Variants in WRN observed in about 807,000 individuals in gnomAD.
The protein encoded by WRN is WRN RecQ like helicase, also known as bifunctional 3'-5' exonuclease/ATP-dependent helicase WRN.
A neutral mutation model predicts 180.7 loss-of-function variants in WRN; 149 were observed. The ratio of observed to expected loss-of-function variants is 0.82; its 90% CI spans 0.72 to 0.94. WRN has a LOEUF of 0.94. Among genes scored for constraint, WRN ranks in the 40% least tolerant of loss-of-function variants. WRN has a pLI of 0.00. For synonymous variants in WRN, 548 were observed against 568.9 expected (o/e 0.96, Z 0.52); for missense variants, 1,661 against 1,700.1 (o/e 0.98, Z 0.40).
At chr8:31,117,087 A>C (rs140192942) in intron 20 of WRN, among the ~76,000 whole-genome samples, 2 of 152,326 alleles carry the variant, frequency 1.3e-5, no homozygotes, top group East Asian at 1.9e-4. Context: ...ACTTGCAAAG[A>C]AGCAGTCTGG....
At chr8:31,041,068 T>C (rs1811636568) in intron 1 of WRN, among the ~76,000 whole-genome samples, 1 of 152,200 alleles carries the variant, frequency 6.6e-6, no homozygotes, top group South Asian at 2.1e-4. Flanking sequence ...AGAGTTCTCC[T>C]GAGAAACAGA....
chr8:31,110,797 A>T (rs927333989), intron 18 of WRN, among the ~76,000 whole-genome samples: 9 of 152,226 alleles, frequency 5.9e-5, no homozygotes, highest in Non-Finnish European at 1.0e-4. Context: ...TTTAGAAACA[A>T]CTGTAAGACA....
At chr8:31,081,345 A>G (rs568436012) in intron 9 of WRN, 49 bp downstream of exon 9, 3 of 1,592,116 alleles carry the variant, frequency 1.9e-6, no homozygotes, top group African/African-American at 2.7e-5. Flanking sequence ...AGGTTCTGGC[A>G]GACTTTATTC....
intron 18 of WRN, among the ~76,000 whole-genome samples, chr8:31,105,394 T>C (rs1801057872): frequency 6.6e-6 from 1 of 152,234 alleles, no homozygotes; most frequent in African/African-American, 2.4e-5. Context: ...CCAGAAACTT[T>C]AGTCTTTGGA....
At chr8:31,071,142 G>C (rs1812900213) in intron 7 of WRN, among the ~76,000 whole-genome samples, 1 of 151,904 alleles carries the variant, frequency 6.6e-6, no homozygotes, top group Middle Eastern at 3.2e-3. Context: ...GAGAAATTAT[G>C]GTATCTATAG....
In WRN at chr8:31,142,816, A is replaced by G. The variant is rs1585516567; in HGVS notation, c.3309+115A>G. 6.3e-6 allele frequency: 6 copies of G among 951,276 alleles called. No individual in the cohort carries two copies. In the East Asian group the frequency reaches 1.7e-4, roughly 27 times the overall value. 58.9% of individuals were successfully genotyped at this position (951,276 alleles called of 1,614,324 possible). Reference sequence around the variant, plus strand: ...AAAGAGAAAATGGCATATATAACAAAGCATAAAATTCGGCCAGGGAAGTGA... The same window carrying G: ...AAAGAGAAAATGGCATATATAACAAGGCATAAAATTCGGCCAGGGAAGTGA... On this transcript the variant is annotated intron_variant, in intron 27 of 34. Transcript: ENST00000298139.
intron 18 of WRN, among the ~76,000 whole-genome samples, chr8:31,106,434 C>T (rs2130258441): frequency 6.6e-6 from 1 of 152,260 alleles, no homozygotes; most frequent in African/African-American, 2.4e-5. Context: ...CTCATGTAAT[C>T]TGGCCTTCCA....
chr8:31,065,468 T>G (rs889627297), intron 5 of WRN, among the ~76,000 whole-genome samples: 5 of 152,196 alleles, frequency 3.3e-5, no homozygotes, highest in Non-Finnish European at 5.9e-5. Flanking sequence ...CTCCCACTTA[T>G]AAGTGAGAAC....
At chr8:31,111,839 CTT>C (rs111854110) in intron 19 of WRN, 40 bp downstream of exon 19, 995 of 1,299,922 alleles carry the variant, frequency 7.7e-4, no homozygotes, top group African/African-American at 1.4e-3. Flanking sequence ...TAATGATTTC[CTT>C]TTTTTTTTTT....
rs1803314281 is a variant in WRN, at chr8:31,154,773, G to A, written c.3819+18G>A. 1 of 1,612,672 alleles carries A rather than the reference G, an allele frequency of 6.2e-7. No homozygotes were observed. Among genetic ancestry groups the A allele is most frequent in the Non-Finnish European group, 8.5e-7 (1 of 1,179,366 alleles). Reference sequence around the variant, plus strand: ...TGCCTTTGGTAAGTGTGACTTTCATGTTACAGGGAATTTTTTTAGTTTACT... The same window carrying A: ...TGCCTTTGGTAAGTGTGACTTTCATATTACAGGGAATTTTTTTAGTTTACT... On this transcript the variant is annotated intron_variant, in intron 32 of 34. Transcript: ENST00000298139.
intron 1 of WRN, among the ~76,000 whole-genome samples, chr8:31,058,145 A>G (rs1312281280): frequency 6.6e-6 from 1 of 152,224 alleles, no homozygotes; most frequent in African/African-American, 2.4e-5. Context: ...ACTCAAAGTC[A>G]TAAAATAATA....
At position 31,116,520 on chromosome 8, in the gene WRN, GA is replaced by G. The variant is rs1801530173; in HGVS notation, c.2443del (p.Ile815PhefsTer5). On this transcript the variant is annotated frameshift_variant, in exon 20 of 35. Transcript: ENST00000298139. LOFTEE classifies it high-confidence loss of function. ...CATTCATCATAGGTTTGTAAGAGAT[GA>G]AATTCAGGTATGAGGATCAATCATC... ...KDIHHRFVRD[E>X]IQCVIATIAF... 2 of 1,613,704 alleles carry G rather than the reference GA, an allele frequency of 1.2e-6. No individual in the cohort carries two copies. Among genetic ancestry groups the G allele is most frequent in the South Asian group, 2.2e-5 (2 of 91,062 alleles).
In WRN at chr8:31,081,228, G is replaced by A. The variant is rs1427377228; in HGVS notation, c.1201G>A (p.Glu401Lys). 2 of 1,612,854 alleles carry A rather than the reference G, an allele frequency of 1.2e-6. No homozygotes were observed. Among genetic ancestry groups the A allele is most frequent in the Non-Finnish European group, 1.7e-6 (2 of 1,179,238 alleles). ...GATGTCGTTAGATATTACAGAACATGAACTCCAAATTTTGGAACAGCAGTC... is the reference window on the plus strand; with the variant it reads ...GATGTCGTTAGATATTACAGAACATAAACTCCAAATTTTGGAACAGCAGTC... ...CLMSLDITEH[E>K]LQILEQQSQE... Residue 401 changes from glutamate (E) to lysine (K), a missense_variant, in exon 9 of 35, where the codon GAA becomes AAA. This residue lies in a region of WRN where 500 missense variants were observed against 504.1 expected (regional missense o/e 0.99). Coordinates refer to ENST00000298139, the MANE Select transcript of WRN (RefSeq NM_000553.6).
chr8:31,106,203 TC>T (rs1489660582), intron 18 of WRN, among the ~76,000 whole-genome samples: 1 of 152,100 alleles, frequency 6.6e-6, no homozygotes, highest in Non-Finnish European at 1.5e-5. Flanking sequence ...CAGAATTAAA[TC>T]ACTTCTCTCT....
chr8:31,088,051 G>A (rs1375988973), intron 12 of WRN, 131 bp downstream of exon 12: 1 of 1,482,850 alleles, frequency 6.7e-7, no homozygotes, highest in East Asian at 2.5e-5. Context: ...ATCCTTATAA[G>A]CTTTTGTCTC....
chr8:31,106,710 G>A (rs1414729901), intron 18 of WRN, among the ~76,000 whole-genome samples: 3 of 152,044 alleles, frequency 2.0e-5, no homozygotes, highest in South Asian at 2.1e-4. Context: ...AGCATTCCTC[G>A]TAAATCTTTG....
At chr8:31,086,003 CTTATTA>C (rs1813515958) in intron 11 of WRN, among the ~76,000 whole-genome samples, 1 of 151,802 alleles carries the variant, frequency 6.6e-6, no homozygotes, top group Admixed American at 6.6e-5. Context: ...CAGTTTTACT[CTTATTA>C]TTGAGATTGA....
At chr8:31,161,787 C>T (rs1436630006) in intron 33 of WRN, among the ~76,000 whole-genome samples, 1 of 129,694 alleles carries the variant, frequency 7.7e-6, no homozygotes, top group East Asian at 2.4e-4. Context: ...TGCAGTGAGT[C>T]AAGATTGTGC....
chr8:31,061,757 C>T (rs1267327720), intron 3 of WRN, among the ~76,000 whole-genome samples: 1 of 152,104 alleles, frequency 6.6e-6, no homozygotes, highest in African/African-American at 2.4e-5. Context: ...TGTAGACTGC[C>T]TCTGGTGATC....
Sources: gnomAD v4.1 joint callset for allele counts (sites outside exome capture counted in the v4.1 genomes callset) on GRCh38, gnomAD v4.1.1 for gene constraint, gnomAD v4.1.1 regional missense constraint, MANE v1.5 for transcripts, NCBI Gene and HGNC (gene_info 2026-07-23, HGNC 2026-07-21) for gene names.